AAK1: variants seen among roughly 807,000 people sequenced by gnomAD.
AAK1 encodes the protein AP2 associated kinase 1.
AAK1 carries 37 observed loss-of-function variants against 116.0 expected under a neutral mutation model. The observed-to-expected ratio is 0.32, with a 90% CI of 0.25 to 0.42. AAK1 has a LOEUF of 0.42. Ranked by LOEUF, AAK1 falls within the 10% of genes least tolerant of loss-of-function variation. The pLI, the probability that AAK1 is intolerant of heterozygous loss-of-function variation, is 1.00. For missense variants in AAK1, 919 were observed against 1,170.6 expected (o/e 0.79, Z 3.14); for synonymous variants, 458 against 439.9 (o/e 1.04, Z -0.51).
chr2:69,486,523 G>A (rs1016239192), intron 17 of AAK1, among the ~76,000 whole-genome samples: 6 of 152,142 alleles, frequency 3.9e-5, no homozygotes, highest in Non-Finnish European at 5.9e-5. Context: ...AAAGCTGGGA[G>A]TGAGAGCACA....
intron 11 of AAK1, 87 bp downstream of exon 11, chr2:69,520,747 C>T: frequency 6.9e-7 from 1 of 1,455,304 alleles, no homozygotes; most frequent in Non-Finnish European, 9.2e-7. Flanking sequence ...GAGTCCAATC[C>T]TAAAGCAAAC....
At chr2:69,518,412 T>G (rs1330536536) in intron 12 of AAK1, among the ~76,000 whole-genome samples, 1 of 137,252 alleles carries the variant, frequency 7.3e-6, no homozygotes, top group African/African-American at 2.8e-5. Context: ...AAAAAAATAG[T>G]TTTTTTTTTT....
In AAK1 at chr2:69,476,975, T is replaced by C. The variant is rs1286385977; in HGVS notation, c.2696A>G (p.Asn899Ser). ...AGGGACATCAAAACCTGAGATGAGA[T>C]TACTATCTTCTGCAGCTTAATACAG... ...APVHKAAEDSNLISGFDVPEG... is the reference protein window; with the variant it reads ...APVHKAAEDSSLISGFDVPEG... Residue 899 changes from asparagine (N) to serine (S), a missense_variant, in exon 21 of 22, where the codon AAT becomes AGT. By Grantham distance (46) the Asn-to-Ser change is conservative (BLOSUM62 1). This residue lies in a region of AAK1 where 263 missense variants were observed against 285.5 expected (regional missense o/e 0.92). Coordinates refer to ENST00000409085, the MANE Select transcript of AAK1 (RefSeq NM_014911.5). 1.9e-6 allele frequency: 3 copies of C among 1,611,952 alleles called. No homozygotes were observed. The highest frequency in any genetic ancestry group is 3.3e-5 in the Admixed American group (2 of 59,872).
At chr2:69,578,214 T>A (rs974273361) in intron 2 of AAK1, among the ~76,000 whole-genome samples, 1 of 152,198 alleles carries the variant, frequency 6.6e-6, no homozygotes, top group Admixed American at 6.5e-5. Context: ...GAAGACGTGA[T>A]GGGAGTGCGG....
At chr2:69,631,758 T>C (rs775859845) in intron 2 of AAK1, among the ~76,000 whole-genome samples, 2 of 152,166 alleles carry the variant, frequency 1.3e-5, no homozygotes, top group African/African-American at 2.4e-5. Flanking sequence ...GGCAGGTGGA[T>C]TGCTTGGGCC....
At chr2:69,512,361 G>A (rs1032366117) in intron 13 of AAK1, among the ~76,000 whole-genome samples, 2 of 151,426 alleles carry the variant, frequency 1.3e-5, no homozygotes, top group African/African-American at 2.4e-5. Context: ...TAGTTTTTCC[G>A]TAATTTCACA....
chr2:69,555,875 A>G (rs1671368246), intron 3 of AAK1, among the ~76,000 whole-genome samples: 2 of 151,558 alleles, frequency 1.3e-5, no homozygotes, highest in South Asian at 4.1e-4. Context: ...GTATAATATT[A>G]TGTATAATGT....
rs1670072902 is a variant in AAK1 at position 69,527,467 on chromosome 2, T to G, written c.872-148A>C. On this transcript the variant is annotated intron_variant, in intron 8 of 21. Transcript: ENST00000409085. ...GACAGTATAATTATCCCCTTTTCTC[T>G]CCCTTAGAAAGAGAAGCTCTAATGT... The G allele has an allele frequency of 1.0e-5, 6 of 578,296 alleles. No homozygotes were observed. The South Asian group carries it at 1.4e-4, about 14-fold the overall frequency. 35.8% of individuals were successfully genotyped at this position (578,296 alleles called of 1,614,324 possible).
intron 2 of AAK1, among the ~76,000 whole-genome samples, chr2:69,627,337 TG>T (rs1185601072): frequency 6.8e-6 from 1 of 146,232 alleles, no homozygotes; most frequent in Non-Finnish European, 1.5e-5. Context: ...GAAATTCTAG[TG>T]GGGGGAGTGG....
intron 2 of AAK1, among the ~76,000 whole-genome samples, chr2:69,570,413 T>C (rs953368931): frequency 3.3e-5 from 5 of 152,082 alleles, no homozygotes; most frequent in Non-Finnish European, 5.9e-5. Context: ...AGCTCTATTT[T>C]GTTGCACTTA....
At chr2:69,520,802 G>A (rs1331375293) in intron 11 of AAK1, 32 bp downstream of exon 11, 3 of 1,525,160 alleles carry the variant, frequency 2.0e-6, no homozygotes, top group African/African-American at 1.4e-5. Flanking sequence ...ACAAAGAGGT[G>A]TATTGAGTTT....
At chr2:69,574,671 T>C (rs1246012491) in intron 2 of AAK1, among the ~76,000 whole-genome samples, 1 of 151,970 alleles carries the variant, frequency 6.6e-6, no homozygotes, top group East Asian at 1.9e-4. Context: ...TAGTAAAATA[T>C]TGAACATTAA....
rs1022089649 is a variant in AAK1, at chr2:69,463,537, A to G, written c.*12332T>C. The stretch of plus-strand genomic sequence containing the variant: ...ATTATTTTATTTAATTTTATTTTTT[A>G]GACTCGCTCTGTCGCCCAGGCCAGA... On this transcript the variant is annotated 3_prime_UTR_variant, in exon 22 of 22. Transcript: ENST00000409085. 5 of 151,994 alleles carry G rather than the reference A, an allele frequency of 3.3e-5. No individual in the cohort carries two copies. The highest frequency in any genetic ancestry group is 1.2e-4 in the African/African-American group (5 of 41,368). 9.4% of individuals were successfully genotyped at this position (151,994 alleles called of 1,614,324 possible). A position where few individuals can be genotyped will look rare whatever the true frequency, so the allele number is the denominator to read the frequency against.
chr2:69,497,714 A>G (rs917745101), intron 16 of AAK1, among the ~76,000 whole-genome samples: 4 of 151,946 alleles, frequency 2.6e-5, no homozygotes, highest in African/African-American at 7.2e-5. Flanking sequence ...TTGTTTCTAT[A>G]AAGTGGGTTT....
chr2:69,493,404 C>A (rs918053904), intron 17 of AAK1, among the ~76,000 whole-genome samples: 3 of 152,106 alleles, frequency 2.0e-5, no homozygotes, highest in Admixed American at 2.0e-4. Flanking sequence ...TTCCTTTATT[C>A]ACTCTCAAAG....
chr2:69,584,328 G>A (rs988303448), intron 2 of AAK1, among the ~76,000 whole-genome samples: 7 of 152,146 alleles, frequency 4.6e-5, no homozygotes, highest in Admixed American at 2.6e-4. Context: ...ACCTCATTCC[G>A]AGACTCTGGG....
intron 2 of AAK1, among the ~76,000 whole-genome samples, chr2:69,603,340 G>A (rs1392066549): frequency 6.6e-6 from 1 of 152,144 alleles, no homozygotes; most frequent in Non-Finnish European, 1.5e-5. Context: ...ATCTTTACAA[G>A]TAGGTAGATC....
intron 2 of AAK1, among the ~76,000 whole-genome samples, chr2:69,622,211 C>T (rs1218539639): frequency 6.6e-6 from 1 of 152,236 alleles, no homozygotes; most frequent in Non-Finnish European, 1.5e-5. Context: ...AGGGGCTTAC[C>T]ACCTGAGCCA....
At chr2:69,490,649 G>A (rs1675484039) in intron 17 of AAK1, among the ~76,000 whole-genome samples, 1 of 151,886 alleles carries the variant, frequency 6.6e-6, no homozygotes, top group African/African-American at 2.4e-5. Flanking sequence ...TGGTTGCCAG[G>A]GGCTGGGGGG....
Sources: allele counts gnomAD v4.1 joint callset (sites outside exome capture counted in the v4.1 genomes callset), GRCh38; gene constraint gnomAD v4.1.1; regional missense constraint gnomAD v4.1.1; transcripts MANE v1.5; gene names NCBI Gene and HGNC (gene_info 2026-07-23, HGNC 2026-07-21).